SLC1A1: variants seen among roughly 807,000 people sequenced by gnomAD.
SLC1A1 encodes the protein solute carrier family 1 member 1.
In SLC1A1, 43 loss-of-function variants were observed where a neutral mutation model predicts 53.3. That is an observed-to-expected ratio of 0.81 (90% CI 0.63 to 1.04). The LOEUF is 1.04. Among genes scored for constraint, SLC1A1 ranks in the 50% least tolerant of loss-of-function variants. The probability of loss-of-function intolerance (pLI) is 0.00; values close to 1 mark genes in which losing one functional copy is unlikely to be tolerated. For synonymous variants in SLC1A1, 307 were observed against 243.2 expected, an observed-to-expected ratio of 1.26 and a Z score of -2.44; for missense variants, 748 against 664.9, an observed-to-expected ratio of 1.12 and a Z score of -1.37.
At chr9:4,542,753 G>C (rs753928884) in intron 1 of SLC1A1, among the ~76,000 whole-genome samples, 2 of 152,072 alleles carry the variant, frequency 1.3e-5, no homozygotes, top group Non-Finnish European at 2.9e-5. Context: ...TGAGCACATC[G>C]TACTTTTTAA....
At chr9:4,539,356 A>G (rs1022199181) in intron 1 of SLC1A1, among the ~76,000 whole-genome samples, 20 of 152,204 alleles carry the variant, frequency 1.3e-4, no homozygotes, top group Non-Finnish European at 4.4e-5. Context: ...TTCCTGAACA[A>G]TATTTTTTTT....
intron 1 of SLC1A1, among the ~76,000 whole-genome samples, chr9:4,494,029 T>G (rs1820325361): frequency 6.6e-6 from 1 of 152,228 alleles, no homozygotes. Context: ...TCTTTTTAAA[T>G]TTCTGCGACA....
At chr9:4,492,720 A>G (rs1458558246) in intron 1 of SLC1A1, among the ~76,000 whole-genome samples, 2 of 151,648 alleles carry the variant, frequency 1.3e-5, no homozygotes, top group East Asian at 3.9e-4. Context: ...ACCTGAGCCC[A>G]GGGAGGTCGA....
intron 1 of SLC1A1, among the ~76,000 whole-genome samples, chr9:4,505,444 C>G (rs114518055): frequency 0.017 from 2,598 of 152,068 alleles, 58 homozygotes; most frequent in African/African-American, 0.059. Context: ...CATAAGTTAC[C>G]AGTATAATGT....
At chr9:4,514,075 C>G (rs1821083536) in intron 1 of SLC1A1, among the ~76,000 whole-genome samples, 1 of 152,138 alleles carries the variant, frequency 6.6e-6, no homozygotes, top group African/African-American at 2.4e-5. Flanking sequence ...CATGAGAGAG[C>G]TCTTTGGCGT....
intron 11 of SLC1A1, among the ~76,000 whole-genome samples, chr9:4,584,542 T>G (rs909455690): frequency 1.3e-5 from 2 of 152,208 alleles, no homozygotes; most frequent in African/African-American, 2.4e-5. Context: ...AGGGTGGTCA[T>G]GTGTAAGCAT....
At chr9:4,585,263 G>C in intron 11 of SLC1A1, 49 bp from the exon 12 acceptor site, 1 of 1,611,712 alleles carries the variant, frequency 6.2e-7, no homozygotes, top group Non-Finnish European at 8.5e-7. Flanking sequence ...CAGTGATGAA[G>C]GAAAATGAAA....
chr9:4,585,165 G>A (rs1441343436), intron 11 of SLC1A1, 147 bp from the exon 12 acceptor site: 2 of 1,013,928 alleles, frequency 2.0e-6, no homozygotes, highest in African/African-American at 1.6e-5. Context: ...CCAGGCCTGT[G>A]AGGAGCCTTC....
At chr9:4,491,741 C>T (rs191467853) in intron 1 of SLC1A1, among the ~76,000 whole-genome samples, 2 of 152,310 alleles carry the variant, frequency 1.3e-5, no homozygotes, top group African/African-American at 4.8e-5. Flanking sequence ...GGCTGTTGCA[C>T]CCTCTGAGGA....
At chr9:4,578,639 C>T (rs943846609) in intron 10 of SLC1A1, among the ~76,000 whole-genome samples, 4 of 152,198 alleles carry the variant, frequency 2.6e-5, no homozygotes, top group African/African-American at 9.6e-5. Context: ...TCAGAAGCTG[C>T]AGAGAATTCT....
intron 1 of SLC1A1, among the ~76,000 whole-genome samples, chr9:4,536,391 C>G (rs1333982261): frequency 6.6e-6 from 1 of 152,128 alleles, no homozygotes; most frequent in Non-Finnish European, 1.5e-5. Context: ...AGGATATGAA[C>G]AGACACTTCT....
chr9:4,564,496 G>A (rs11794965), intron 4 of SLC1A1, 38 bp downstream of exon 4: 155 of 1,200,798 alleles, frequency 1.3e-4, no homozygotes, highest in African/African-American at 2.1e-4. Flanking sequence ...AAGGGCATGC[G>A]GATAGCAGCA....
chr9:4,533,423 G>A (rs1033415673), intron 1 of SLC1A1, among the ~76,000 whole-genome samples: 16 of 152,036 alleles, frequency 1.1e-4, no homozygotes, highest in Non-Finnish European at 1.5e-5. Flanking sequence ...CCTAGTCTCG[G>A]ATAAAACAGA....
chr9:4,528,479 G>C (rs1426381630), intron 1 of SLC1A1, among the ~76,000 whole-genome samples: 1 of 152,146 alleles, frequency 6.6e-6, no homozygotes, highest in African/African-American at 2.4e-5. Context: ...GGGAGACTGA[G>C]GCAGGAGAAT....
chr9:4,564,381 C>A lies in SLC1A1; in HGVS notation c.363C>A (p.Thr121=), dbSNP rs1209342014. 15 of 1,613,660 alleles carry A rather than the reference C, an allele frequency of 9.3e-6. No individual in the cohort carries two copies. Among genetic ancestry groups the A allele is most frequent in the Non-Finnish European group, 1.3e-5 (15 of 1,179,898 alleles). The change falls in exon 4 of 12, where the codon ACC becomes ACA. Residue 121 remains threonine (T), a synonymous_variant. Coordinates refer to ENST00000262352, the MANE Select transcript of SLC1A1 (RefSeq NM_004170.6). ...VLVVSIKPGV[T]QKVGEIARTG... is the part of the protein sequence containing the mutation. ...TGGTGAGCATCAAGCCTGGTGTCACCCAGAAAGTGGGTGAAATTGCGAGGA... is the reference window on the plus strand; with the variant it reads ...TGGTGAGCATCAAGCCTGGTGTCACACAGAAAGTGGGTGAAATTGCGAGGA...
chr9:4,507,192 G>A (rs72687855), intron 1 of SLC1A1, among the ~76,000 whole-genome samples: 36,966 of 151,772 alleles, frequency 0.24, 5,426 homozygotes, highest in South Asian at 0.39. Flanking sequence ...CCAAAGTGGC[G>A]CCACTGCACT....
At chr9:4,506,910 G>A (rs1586695457) in intron 1 of SLC1A1, among the ~76,000 whole-genome samples, 1 of 152,164 alleles carries the variant, frequency 6.6e-6, no homozygotes, top group South Asian at 2.1e-4. Flanking sequence ...TAAGGGGGCT[G>A]AAGATTCCCA....
intron 2 of SLC1A1, among the ~76,000 whole-genome samples, chr9:4,559,205 A>G (rs1818700705): frequency 6.6e-6 from 1 of 152,184 alleles, no homozygotes; most frequent in Admixed American, 6.5e-5. Flanking sequence ...ACTCTTCAAC[A>G]CAGCAAACTG....
intron 10 of SLC1A1, 128 bp downstream of exon 10, chr9:4,576,891 C>A: frequency 1.1e-6 from 1 of 909,982 alleles, no homozygotes; most frequent in East Asian, 2.5e-5. Flanking sequence ...AAGTCCCTTC[C>A]CAAGATTAAA....
Sources: allele counts gnomAD v4.1 joint callset (sites outside exome capture counted in the v4.1 genomes callset), GRCh38; gene constraint gnomAD v4.1.1; transcripts MANE v1.5; gene names NCBI Gene and HGNC (gene_info 2026-07-23, HGNC 2026-07-21).